EFCAB7: variants seen among roughly 807,000 people sequenced by gnomAD.
EFCAB7 encodes the protein EF-hand calcium-binding domain-containing protein 7.
A neutral mutation model predicts 77.1 loss-of-function variants in EFCAB7; 66 were observed. That is an observed-to-expected ratio of 0.86 (90% CI 0.70 to 1.05). The LOEUF is 1.05. Ranked by LOEUF, EFCAB7 falls within the 50% of genes least tolerant of loss-of-function variation. EFCAB7 has a pLI of 0.00. For synonymous variants in EFCAB7, 225 were observed against 243.3 expected (o/e 0.92, Z 0.70); for missense variants, 638 against 730.5 (o/e 0.87, Z 1.46).
intron 10 of EFCAB7, 78 bp downstream of exon 10, chr1:63,557,325 C>G (rs1425304184): frequency 3.3e-5 from 43 of 1,284,384 alleles, no homozygotes; most frequent in Non-Finnish European, 4.2e-5. Context: ...AATGAGAAGT[C>G]AAACTTCTGC....
chr1:63,559,825 A>C (rs1313833928), intron 10 of EFCAB7, among the ~76,000 whole-genome samples: 1 of 152,198 alleles, frequency 6.6e-6, no homozygotes, highest in Non-Finnish European at 1.5e-5. Flanking sequence ...GTCAAATATC[A>C]GTTGAATATA....
intron 2 of EFCAB7, among the ~76,000 whole-genome samples, chr1:63,527,205 G>C (rs149406510): frequency 1.3e-5 from 2 of 152,258 alleles, no homozygotes; most frequent in African/African-American, 4.8e-5. Flanking sequence ...ATGGCATTTA[G>C]TTTGTGAATC....
chr1:63,576,618 G>A (rs1179549579), downstream of EFCAB7, among the ~76,000 whole-genome samples: 2 of 151,418 alleles, frequency 1.3e-5, no homozygotes, highest in Admixed American at 6.6e-5. Flanking sequence ...TCAGGAGTTC[G>A]AGACCAGCCT....
chr1:63,543,477 G>T (rs1457659049), intron 6 of EFCAB7, among the ~76,000 whole-genome samples: 2 of 152,074 alleles, frequency 1.3e-5, no homozygotes, highest in Admixed American at 1.3e-4. Context: ...TAAAAAATAG[G>T]TTTCTACATA....
Position 63,525,750 on chromosome 1 carries a change from CTTTACTTAGGTAAA to C in EFCAB7, c.182_187+8del. 6.4e-7 allele frequency: 1 copy of C among 1,560,562 alleles called. No homozygotes were observed. Among genetic ancestry groups the C allele is most frequent in the Non-Finnish European group, 8.6e-7 (1 of 1,164,154 alleles). Reference sequence around the variant, plus strand: ...GGAAAACATTATTTCTAAAGATCAACTTTACTTAGGTAAATTTTTAAAATTTTTAAATCTTTCAC... The same window carrying C: ...GGAAAACATTATTTCTAAAGATCAACTTTTTAAAATTTTTAAATCTTTCAC... On this transcript the variant is annotated splice_donor_variant and splice_donor_5th_base_variant and coding_sequence_variant and intron_variant, in exon 2 of 14. Coordinates refer to ENST00000371088, the MANE Select transcript of EFCAB7 (RefSeq NM_032437.4). LOFTEE classifies it high-confidence loss of function.
Position 63,565,510 on chromosome 1 carries a change from G to A in EFCAB7, c.1498-2800G>A, listed in dbSNP as rs191388956. On this transcript the variant is annotated intron_variant, in intron 11 of 13. Coordinates refer to ENST00000371088, the MANE Select transcript of EFCAB7 (RefSeq NM_032437.4). The stretch of plus-strand genomic sequence containing the variant: ...CATGGTGAAGATGCCACAAGCAATT[G>A]CAACAAAAGCAAAAATTGATAAATG... 2.2e-3 allele frequency among the ~76,000 whole-genome samples: 341 copies of A among 152,272 alleles called. 1 individual carries two copies. Among genetic ancestry groups the A allele is most frequent in the Non-Finnish European group, 2.7e-3 (185 of 68,020 alleles).
chr1:63,533,576 G>A lies in EFCAB7; in HGVS notation c.609G>A (p.Arg203=), dbSNP rs1380060474. Residue 203 remains arginine, a synonymous_variant, in exon 5 of 14, where the codon AGG becomes AGA. Transcript: ENST00000371088. ...ACCACATCGAAGGGTCCCCTGAAAG[G>A]GACCCATCACCAGTACCAAAACCAT... is the stretch of plus-strand genomic sequence containing the variant. ...FGNHIEGSPE[R]DPSPVPKPSP... The A allele has an allele frequency of 1.2e-6, 2 of 1,611,034 alleles. No individual in the cohort carries two copies. The highest frequency in any genetic ancestry group is 3.4e-5 in the Admixed American group (2 of 59,386).
At chr1:63,539,696 CTT>C (rs1294604398) in intron 6 of EFCAB7, among the ~76,000 whole-genome samples, 1 of 152,108 alleles carries the variant, frequency 6.6e-6, no homozygotes, top group East Asian at 1.9e-4. Context: ...ATTTCTTCTA[CTT>C]TTATAAGTCT....
rs760221903 is a variant in EFCAB7 at position 63,551,759 on chromosome 1, C to T, written c.981C>T (p.Ala327=). The stretch of plus-strand genomic sequence containing the variant: ...CCCCTTGGTTATCCGTTGATACTGC[C>T]TTGTATATTCTCAAGGAAAATGAGA... ...KPSPWLSVDT[A]LYILKENESQ... Residue 327 remains alanine (A), a synonymous_variant, in exon 8 of 14, where the codon GCC becomes GCT. Coordinates refer to ENST00000371088, the MANE Select transcript of EFCAB7 (RefSeq NM_032437.4). The T allele has an allele frequency of 1.9e-6, 3 of 1,583,018 alleles. No homozygotes were observed. Among genetic ancestry groups the T allele is most frequent in the South Asian group, 2.4e-5 (2 of 83,924 alleles).
chr1:63,534,392 A>G, intron 6 of EFCAB7, 176 bp downstream of exon 6: 1 of 498,434 alleles, frequency 2.0e-6, no homozygotes, highest in Non-Finnish European at 3.4e-6. Context: ...AATGATGAAT[A>G]TTATTATAAG....
chr1:63,549,387 T>C (rs1003709773), intron 7 of EFCAB7: 2 of 470,236 alleles, frequency 4.3e-6, no homozygotes, highest in African/African-American at 2.0e-5. Flanking sequence ...TCTTTTTTAG[T>C]TGATGCCAAA....
At chr1:63,532,803 G>A in intron 4 of EFCAB7, 47 bp downstream of exon 4, 6 of 1,478,282 alleles carry the variant, frequency 4.1e-6, no homozygotes, top group African/African-American at 1.4e-5. Context: ...TGTTGGAAAA[G>A]TGTTTTTATT....
At position 63,546,136 on chromosome 1, in the gene EFCAB7, T is replaced by A. The variant is rs1050757669; in HGVS notation, c.946+79T>A. 3.6e-5 allele frequency: 52 copies of A among 1,443,098 alleles called. 1 individual carries two copies. The East Asian group carries it at 1.2e-3, about 33-fold the overall frequency. 89.4% of individuals were successfully genotyped at this position (1,443,098 alleles called of 1,614,324 possible). On this transcript the variant is annotated intron_variant, in intron 7 of 13. Coordinates refer to ENST00000371088, the MANE Select transcript of EFCAB7 (RefSeq NM_032437.4). ...AAGTACTTATGTAAGTATTCCATAG[T>A]CCTAGTTAGGGAAGAAAATAATCTG...
At chr1:63,535,672 G>A (rs980384817) in intron 6 of EFCAB7, among the ~76,000 whole-genome samples, 7 of 152,056 alleles carry the variant, frequency 4.6e-5, no homozygotes, top group East Asian at 3.9e-4. Flanking sequence ...GATTTAAATC[G>A]TATGTAAACA....
chr1:63,547,999 A>G (rs553216988), intron 7 of EFCAB7: 1 of 152,390 alleles, frequency 6.6e-6, no homozygotes, highest in East Asian at 1.9e-4. Flanking sequence ...AAAAGCTGCA[A>G]AGTCACATTG....
chr1:63,575,063 C>T (rs1023290024), downstream of EFCAB7, among the ~76,000 whole-genome samples: 3 of 151,910 alleles, frequency 2.0e-5, no homozygotes, highest in African/African-American at 7.3e-5. Context: ...GTTCTGTTTA[C>T]CCAGATGTTT....
At position 63,549,725 on chromosome 1, in the gene EFCAB7, C is replaced by G. The variant is rs1368854153; in HGVS notation, c.947-2000C>G. Reference sequence around the variant, plus strand: ...CATGTCAAGGGATTACTTATAACTTCCATTGTCTTTTTTTTAAGCCTATAT... The same window carrying G: ...CATGTCAAGGGATTACTTATAACTTGCATTGTCTTTTTTTTAAGCCTATAT... On this transcript the variant is annotated intron_variant, in intron 7 of 13. Coordinates refer to ENST00000371088, the MANE Select transcript of EFCAB7 (RefSeq NM_032437.4). 1.4e-5 allele frequency: 3 copies of G among 219,694 alleles called. No homozygotes were observed. The East Asian group carries it at 4.4e-4, about 32-fold the overall frequency. 13.6% of individuals were successfully genotyped at this position (219,694 alleles called of 1,614,324 possible). A position where few individuals can be genotyped will look rare whatever the true frequency, so the allele number is the denominator to read the frequency against.
At chr1:63,574,802 T>C (rs1023744204), downstream of EFCAB7, among the ~76,000 whole-genome samples, 1 of 152,176 alleles carries the variant, frequency 6.6e-6, no homozygotes, top group Non-Finnish European at 1.5e-5. Flanking sequence ...GAAGGCATAT[T>C]TACAGTCAGT....
intron 6 of EFCAB7, among the ~76,000 whole-genome samples, chr1:63,539,291 G>T (rs556068561): frequency 5.6e-4 from 85 of 152,036 alleles, no homozygotes; most frequent in Non-Finnish European, 9.3e-4. Flanking sequence ...TTTTAAAGCT[G>T]GGGGTAGGGC....
Sources: allele counts gnomAD v4.1 joint callset (sites outside exome capture counted in the v4.1 genomes callset), GRCh38; gene constraint gnomAD v4.1.1; transcripts MANE v1.5; gene names NCBI Gene and HGNC (gene_info 2026-07-23, HGNC 2026-07-21).